AKAP13: variants seen among roughly 807,000 people sequenced by gnomAD.
AKAP13 encodes the protein A-kinase anchor protein 13.
A neutral mutation model predicts 264.5 loss-of-function variants in AKAP13; 80 were observed. The observed-to-expected ratio is 0.30, with a 90% confidence interval of 0.25 to 0.36. The LOEUF is 0.36. AKAP13 is among the 10% of genes least tolerant of loss of function. The pLI is 1.00. For synonymous variants in AKAP13, 1,380 were observed against 1,250.2 expected (o/e 1.10, Z -2.19); for missense variants, 3,712 against 3,435.2 (o/e 1.08, Z -2.01).
intron 10 of AKAP13, among the ~76,000 whole-genome samples, chr15:85,647,258 C>T (rs1383752787): frequency 6.6e-6 from 1 of 152,078 alleles, no homozygotes. Context: ...ATTAGCTGGG[C>T]ATGGTGGCGC....
intron 29 of AKAP13, among the ~76,000 whole-genome samples, chr15:85,729,055 CT>C (rs974499076): frequency 6.6e-5 from 10 of 152,136 alleles, no homozygotes; most frequent in African/African-American, 2.2e-4. Flanking sequence ...AATCCCAGCA[CT>C]TTGGGAGGCC....
At chr15:85,518,451 T>C (rs1285481413) in intron 2 of AKAP13, among the ~76,000 whole-genome samples, 1 of 152,204 alleles carries the variant, frequency 6.6e-6, no homozygotes, top group Non-Finnish European at 1.5e-5. Flanking sequence ...TTGAAATGAA[T>C]GGAGCTTCTG....
rs138879631 is a variant in AKAP13 at position 85,642,823 on chromosome 15, G to A, written c.4238-2995G>A. 1.1e-4 allele frequency among the ~76,000 whole-genome samples: 17 copies of A among 152,322 alleles called. No homozygotes were observed. The East Asian group carries it at 3.1e-3, about 28-fold the overall frequency. On this transcript the variant is annotated intron_variant, in intron 9 of 36. Coordinates refer to ENST00000394518, the MANE Select transcript of AKAP13 (RefSeq NM_007200.5). ...TTGTTTTCCAGTCTGGAATTTGGACGTGGTCTGTTAGAGGGCCAGCTGGAC... is the reference window on the plus strand; with the variant it reads ...TTGTTTTCCAGTCTGGAATTTGGACATGGTCTGTTAGAGGGCCAGCTGGAC...
Position 85,565,242 on chromosome 15 carries a change from T to TAA in AKAP13, c.663-9879_663-9878dup, listed in dbSNP as rs71468117. Among the ~76,000 whole-genome samples, 89 of 149,266 alleles carry TAA rather than the reference T, an allele frequency of 6.0e-4. 1 individual carries two copies. Among genetic ancestry groups the TAA allele is most frequent in the Non-Finnish European group, 6.1e-4 (41 of 67,144 alleles). On this transcript the variant is annotated intron_variant, in intron 5 of 36. Coordinates refer to ENST00000394518, the MANE Select transcript of AKAP13 (RefSeq NM_007200.5). ...AGGGTGATAGTTTCCTCATTGGAAT[T>TAA]AAAAAAAAAAATCAGAAGGCAGTAG... is the stretch of plus-strand genomic sequence containing the variant.
At chr15:85,610,894 A>T (rs1290584984) in intron 8 of AKAP13, among the ~76,000 whole-genome samples, 1 of 152,174 alleles carries the variant, frequency 6.6e-6, no homozygotes, top group Non-Finnish European at 1.5e-5. Flanking sequence ...CAGGAGAATC[A>T]CTAGAACCCG....
intron 2 of AKAP13, among the ~76,000 whole-genome samples, chr15:85,491,882 A>G (rs1384527997): frequency 2.0e-5 from 3 of 152,190 alleles, no homozygotes; most frequent in Non-Finnish European, 2.9e-5. Context: ...CCTTACGTTA[A>G]TGCATGCAGT....
rs1036777776 is a variant in AKAP13 at position 85,681,069 on chromosome 15, C to T, written c.5102-1089C>T. ...CTGACCTCAAGTGATCTGCCTGCCTCTGCCTCCCAAAGTGTTGGGATTACA... is the reference window on the plus strand; with the variant it reads ...CTGACCTCAAGTGATCTGCCTGCCTTTGCCTCCCAAAGTGTTGGGATTACA... On this transcript the variant is annotated intron_variant, in intron 14 of 36. Coordinates refer to ENST00000394518, the MANE Select transcript of AKAP13 (RefSeq NM_007200.5). Among the ~76,000 whole-genome samples the T allele has an allele frequency of 3.3e-5, 5 of 152,222 alleles. No homozygotes were observed. In the East Asian group the frequency reaches 9.6e-4, roughly 29 times the overall value.
In AKAP13 at chr15:85,650,755, CAAAAAAAAAAAAAAAAAAA is replaced by C. The variant is rs66624781; in HGVS notation, c.4375-4645_4375-4627del. Among the ~76,000 whole-genome samples, 139 of 32,622 alleles carry C rather than the reference CAAAAAAAAAAAAAAAAAAA, an allele frequency of 4.3e-3. 3 individuals are homozygous for C. The highest frequency in any genetic ancestry group is 0.01 in the South Asian group (5 of 482). 21.4% of individuals were successfully genotyped at this position (32,622 alleles called of 152,430 possible). A position where few individuals can be genotyped will look rare whatever the true frequency, so the allele number is the denominator to read the frequency against. ...TGGGCAACAGAGTGAGACTCCATCT[CAAAAAAAAAAAAAAAAAAA>C]AAAAAAAAAAAAAAAACAACAAAAA... On this transcript the variant is annotated intron_variant, in intron 10 of 36. Transcript: ENST00000394518.
chr15:85,724,045 G>T lies in AKAP13; in HGVS notation c.6745+725G>T, dbSNP rs1356456708. On this transcript the variant is annotated intron_variant, in intron 26 of 36. Transcript: ENST00000394518. This position sits in a 1 kb window ranked among gnomAD's most constrained non-coding sequence, Gnocchi z 4.2. Reference sequence around the variant, plus strand: ...CATGGGCCTATATGTTACACCAATAGCCTTGAATTATACCCACCCCGTCGC... The same window carrying T: ...CATGGGCCTATATGTTACACCAATATCCTTGAATTATACCCACCCCGTCGC... Among the ~76,000 whole-genome samples, 1 of 152,098 alleles carries T rather than the reference G, an allele frequency of 6.6e-6. No individual in the cohort carries two copies. Among genetic ancestry groups the T allele is most frequent in the South Asian group, 2.1e-4 (1 of 4,828 alleles).
intron 1 of AKAP13, among the ~76,000 whole-genome samples, chr15:85,447,225 C>T (rs978641289): frequency 6.6e-6 from 1 of 151,996 alleles, no homozygotes; most frequent in Non-Finnish European, 1.5e-5. Context: ...TGAGATTGCA[C>T]CAGTGCATTC....
At chr15:85,610,012 A>G (rs1161854850) in intron 8 of AKAP13, among the ~76,000 whole-genome samples, 1 of 152,218 alleles carries the variant, frequency 6.6e-6, no homozygotes, top group African/African-American at 2.4e-5. Context: ...TGAGGACTCA[A>G]AAATGTTTTA....
chr15:85,420,273 T>C (rs990442370), intron 1 of AKAP13, among the ~76,000 whole-genome samples: 3 of 151,986 alleles, frequency 2.0e-5, no homozygotes, highest in African/African-American at 4.8e-5. Flanking sequence ...TTTAACAGTA[T>C]TCTGATAGAG....
chr15:85,532,004 G>C (rs2077257999), intron 3 of AKAP13, among the ~76,000 whole-genome samples: 1 of 152,170 alleles, frequency 6.6e-6, no homozygotes, highest in Non-Finnish European at 1.5e-5. Context: ...CCTCGACTCT[G>C]AATAATGAAT....
chr15:85,394,841 T>C (rs1483980431), intron 1 of AKAP13, among the ~76,000 whole-genome samples: 3 of 152,222 alleles, frequency 2.0e-5, no homozygotes, highest in Admixed American at 6.5e-5. Flanking sequence ...GAGAAAGATA[T>C]AAAACTTAGA....
intron 17 of AKAP13, among the ~76,000 whole-genome samples, chr15:85,694,332 A>G (rs1567199258): frequency 6.6e-6 from 1 of 152,230 alleles, no homozygotes; most frequent in African/African-American, 2.4e-5. Flanking sequence ...CTTTTTCTGT[A>G]CAAGACCAGA....
At chr15:85,441,072 T>A (rs2073629399) in intron 1 of AKAP13, among the ~76,000 whole-genome samples, 1 of 152,210 alleles carries the variant, frequency 6.6e-6, no homozygotes, top group African/African-American at 2.4e-5. Context: ...TGTTTTCACA[T>A]ATGTAGATAC....
chr15:85,683,244 C>A (rs532493586), intron 15 of AKAP13, among the ~76,000 whole-genome samples: 1 of 152,140 alleles, frequency 6.6e-6, no homozygotes, highest in Non-Finnish European at 1.5e-5. Context: ...AAACAGACTG[C>A]TGTATTTTGT....
At chr15:85,639,248 T>G (rs1256984408) in intron 8 of AKAP13, 126 bp from the exon 9 acceptor site, 2 of 651,360 alleles carry the variant, frequency 3.1e-6, no homozygotes, top group African/African-American at 3.7e-5. Flanking sequence ...TCCCTTGACA[T>G]AAGTTTGCTC....
At chr15:85,598,261 C>G (rs911063986) in intron 8 of AKAP13, among the ~76,000 whole-genome samples, 4 of 152,118 alleles carry the variant, frequency 2.6e-5, no homozygotes, top group African/African-American at 9.7e-5. Flanking sequence ...TGCAATTGGG[C>G]CTAGGCCTGG....
Sources: gnomAD v4.1 joint callset for allele counts (sites outside exome capture counted in the v4.1 genomes callset) on GRCh38, gnomAD v4.1.1 for gene constraint, Gnocchi (gnomAD v3.1) non-coding constraint, MANE v1.5 for transcripts, NCBI Gene and HGNC (gene_info 2026-07-23, HGNC 2026-07-21) for gene names.